CSMD1: variants seen among roughly 807,000 people sequenced by gnomAD.
CSMD1 encodes CUB and sushi domain-containing protein 1.
A neutral mutation model predicts 417.5 loss-of-function variants in CSMD1; 213 were observed. That is an observed-to-expected ratio of 0.51 (90% CI 0.46 to 0.57). CSMD1 has a LOEUF of 0.57. Among genes scored for constraint, CSMD1 ranks in the 20% least tolerant of loss-of-function variants. The pLI is 0.00. For missense variants in CSMD1, 6,923 were observed against 4,529.7 expected, an observed-to-expected ratio of 1.53 and a Z score of -15.17; for synonymous variants, 2,862 against 1,736.8, an observed-to-expected ratio of 1.65 and a Z score of -16.11.
At position 3,226,069 on chromosome 8, in the gene CSMD1, G is replaced by A. The variant is rs551056231; in HGVS notation, c.4346-2202C>T. 4.6e-5 allele frequency among the ~76,000 whole-genome samples: 7 copies of A among 152,260 alleles called. No homozygotes were observed. In the South Asian group the frequency reaches 1.2e-3, roughly 27 times the overall value. On this transcript the variant is annotated intron_variant, in intron 27 of 69. Coordinates refer to ENST00000635120, the MANE Select transcript of CSMD1 (RefSeq NM_033225.6). Reference sequence around the variant, plus strand: ...CTGGTCTTTAACGAGACCCATCTACGTTTCTGCATTAAAACATTTGAATGT... The same window carrying A: ...CTGGTCTTTAACGAGACCCATCTACATTTCTGCATTAAAACATTTGAATGT...
intron 3 of CSMD1, among the ~76,000 whole-genome samples, chr8:4,180,164 C>G (rs1798279048): frequency 6.6e-6 from 1 of 152,056 alleles, no homozygotes; most frequent in Non-Finnish European, 1.5e-5. Context: ...ACAGCAAAGA[C>G]TTGGAACCAA....
intron 3 of CSMD1, among the ~76,000 whole-genome samples, chr8:4,079,291 G>A (rs774424615): frequency 3.3e-5 from 5 of 152,150 alleles, no homozygotes; most frequent in Admixed American, 6.5e-5. Flanking sequence ...ACTGTACCAT[G>A]AGCAGATAAA....
At chr8:4,500,675 C>A (rs903821470) in intron 2 of CSMD1, among the ~76,000 whole-genome samples, 2 of 152,074 alleles carry the variant, frequency 1.3e-5, no homozygotes, top group Non-Finnish European at 2.9e-5. Context: ...TAGCTCTGGA[C>A]ACTGTGGGAG....
At chr8:4,758,180 T>C (rs988534287) in intron 1 of CSMD1, among the ~76,000 whole-genome samples, 1 of 152,102 alleles carries the variant, frequency 6.6e-6, no homozygotes, top group Non-Finnish European at 1.5e-5. Context: ...TGCATTTCCT[T>C]CTGATAACAA....
At chr8:4,021,822 G>C (rs1225418072) in intron 4 of CSMD1, among the ~76,000 whole-genome samples, 4 of 151,978 alleles carry the variant, frequency 2.6e-5, no homozygotes, top group Admixed American at 6.6e-5. Context: ...AGAAACTAAA[G>C]ACCCGGGGCT....
At chr8:4,316,009 A>C (rs1028771773) in intron 3 of CSMD1, among the ~76,000 whole-genome samples, 4 of 152,190 alleles carry the variant, frequency 2.6e-5, no homozygotes, top group Non-Finnish European at 5.9e-5. Flanking sequence ...TTTCCTTTAA[A>C]TATTCAGGCA....
intron 2 of CSMD1, among the ~76,000 whole-genome samples, chr8:4,571,765 T>C (rs961969454): frequency 1.3e-5 from 2 of 152,148 alleles, no homozygotes; most frequent in African/African-American, 2.4e-5. Flanking sequence ...GGAGTCTAAG[T>C]CTCTTTGTAC....
At chr8:3,984,303 G>C (rs1196506823) in intron 5 of CSMD1, among the ~76,000 whole-genome samples, 1 of 152,148 alleles carries the variant, frequency 6.6e-6, no homozygotes, top group Admixed American at 6.6e-5. Context: ...CACATGCACA[G>C]AGTTTACTGA....
chr8:4,818,830 T>C (rs772607186), intron 1 of CSMD1, among the ~76,000 whole-genome samples: 6 of 152,240 alleles, frequency 3.9e-5, no homozygotes, highest in Non-Finnish European at 7.3e-5. Context: ...CATGGAATTA[T>C]GCATTATCAT....
intron 1 of CSMD1, among the ~76,000 whole-genome samples, chr8:4,793,848 A>AAG (rs1480074281): frequency 6.6e-6 from 1 of 151,468 alleles, no homozygotes; most frequent in African/African-American, 2.4e-5. Flanking sequence ...AAAAAAAAAA[A>AAG]AAAAACTCCT....
chr8:4,398,917 C>T (rs1001615620), intron 3 of CSMD1, among the ~76,000 whole-genome samples: 1 of 152,092 alleles, frequency 6.6e-6, no homozygotes, highest in African/African-American at 2.4e-5. Flanking sequence ...TTCACAAATC[C>T]ATTTAAGATG....
rs76668300 is a variant in CSMD1, at chr8:3,819,220, C to T, written c.819-65178G>A. 9.8e-3 allele frequency among the ~76,000 whole-genome samples: 1,493 copies of T among 152,158 alleles called. 23 individuals are homozygous for T. The highest frequency in any genetic ancestry group is 0.034 in the African/African-American group (1,415 of 41,514). ...CTCCCAGGCTAACACTATGGACAACCCTCTTTGGGCTGTGTAGTCAAACAC... is the reference window on the plus strand; with the variant it reads ...CTCCCAGGCTAACACTATGGACAACTCTCTTTGGGCTGTGTAGTCAAACAC... On this transcript the variant is annotated intron_variant, in intron 5 of 69. Coordinates refer to ENST00000635120, the MANE Select transcript of CSMD1 (RefSeq NM_033225.6).
intron 10 of CSMD1, among the ~76,000 whole-genome samples, chr8:3,496,689 G>A (rs1398783213): frequency 1.3e-5 from 2 of 152,112 alleles, no homozygotes; most frequent in Non-Finnish European, 2.9e-5. Context: ...AGCCTGGCAT[G>A]GTGGCGTGTG....
intron 1 of CSMD1, among the ~76,000 whole-genome samples, chr8:4,759,791 G>C (rs769865459): frequency 5.3e-5 from 8 of 152,140 alleles, no homozygotes; most frequent in Non-Finnish European, 1.0e-4. Flanking sequence ...ATATGTACCA[G>C]TTTCTTTATC....
intron 7 of CSMD1, among the ~76,000 whole-genome samples, chr8:3,638,289 G>GA (rs2117297484): frequency 6.6e-6 from 1 of 152,182 alleles, no homozygotes; most frequent in African/African-American, 2.4e-5. Flanking sequence ...AATTTACATA[G>GA]AAAATGTGTC....
chr8:3,506,623 AT>A (rs1796839176), intron 10 of CSMD1, among the ~76,000 whole-genome samples: 2 of 152,218 alleles, frequency 1.3e-5, no homozygotes, highest in East Asian at 1.9e-4. Flanking sequence ...GCATGCTAAT[AT>A]TTTTCTTAGG....
At chr8:4,297,182 T>A (rs980941226) in intron 3 of CSMD1, among the ~76,000 whole-genome samples, 13 of 152,068 alleles carry the variant, frequency 8.5e-5, no homozygotes, top group Admixed American at 1.3e-4. Context: ...ACTTTTACAA[T>A]CTAGAAATGT....
intron 24 of CSMD1, 133 bp from the exon 25 acceptor site, chr8:3,307,954 T>C (rs1805013021): frequency 3.0e-6 from 3 of 985,142 alleles, no homozygotes; most frequent in African/African-American, 3.3e-5. Flanking sequence ...CATCTCTCTC[T>C]CCTGACCGTT....
At chr8:4,068,245 C>T (rs1003236844) in intron 3 of CSMD1, among the ~76,000 whole-genome samples, 2 of 152,000 alleles carry the variant, frequency 1.3e-5, no homozygotes, top group African/African-American at 2.4e-5. Flanking sequence ...GAGGAGAACC[C>T]CTCAAAGGTT....
Sources: gnomAD v4.1 joint callset for allele counts (sites outside exome capture counted in the v4.1 genomes callset) on GRCh38, gnomAD v4.1.1 for gene constraint, MANE v1.5 for transcripts, NCBI Gene and HGNC (gene_info 2026-07-23, HGNC 2026-07-21) for gene names.